The following PPP1R16B variants were observed in gnomAD, a reference collection of about 807,000 sequenced individuals.
PPP1R16B encodes the protein protein phosphatase 1 regulatory inhibitor subunit 16B.
A neutral mutation model predicts 61.7 loss-of-function variants in PPP1R16B; 14 were observed. The ratio of observed to expected loss-of-function variants is 0.23; its 90% CI spans 0.15 to 0.35. The LOEUF (loss-of-function observed/expected upper bound fraction) is 0.35, where lower values mean the gene tolerates loss of function less well. Ranked by LOEUF, PPP1R16B falls within the 10% of genes least tolerant of loss-of-function variation. The pLI, the probability that PPP1R16B is intolerant of heterozygous loss-of-function variation, is 1.00. For missense variants in PPP1R16B, 547 were observed against 752.5 expected (o/e 0.73, Z 3.19); for synonymous variants, 266 against 305.3 (o/e 0.87, Z 1.34).
At chr20:38,845,898 C>T (rs917360743) in intron 2 of PPP1R16B, among the ~76,000 whole-genome samples, 5 of 152,124 alleles carry the variant, frequency 3.3e-5, no homozygotes, top group Admixed American at 3.3e-4. Flanking sequence ...GTGAGGGGAG[C>T]AGGGAGGCTC....
At chr20:38,849,045 C>CTT (rs2084951691) in intron 2 of PPP1R16B, among the ~76,000 whole-genome samples, 2 of 152,150 alleles carry the variant, frequency 1.3e-5, no homozygotes, top group Non-Finnish European at 2.9e-5. Context: ...GGGCAAATAG[C>CTT]ACATGTCTCT....
intron 2 of PPP1R16B, among the ~76,000 whole-genome samples, chr20:38,888,420 C>T (rs932760802): frequency 3.3e-5 from 5 of 152,240 alleles, no homozygotes; most frequent in African/African-American, 1.2e-4. Context: ...TAGAGGTCCG[C>T]TTGCCCAGTA....
intron 2 of PPP1R16B, among the ~76,000 whole-genome samples, chr20:38,849,886 G>A (rs1291125795): frequency 6.6e-6 from 1 of 152,154 alleles, no homozygotes; most frequent in African/African-American, 2.4e-5. Flanking sequence ...CATTTATCTT[G>A]TTGAGTTTTG....
At chr20:38,899,005 G>A (rs1023027706) in intron 4 of PPP1R16B, among the ~76,000 whole-genome samples, 1 of 152,208 alleles carries the variant, frequency 6.6e-6, no homozygotes, top group South Asian at 2.1e-4. Context: ...CCAGAGCTGA[G>A]ACAGAGCCAG....
At chr20:38,914,101 T>A (rs2085513462) in intron 10 of PPP1R16B, among the ~76,000 whole-genome samples, 1 of 151,770 alleles carries the variant, frequency 6.6e-6, no homozygotes, top group South Asian at 2.1e-4. Flanking sequence ...GAGAATCACT[T>A]GAACCTGGGA....
intron 2 of PPP1R16B, among the ~76,000 whole-genome samples, chr20:38,844,695 A>G (rs145246684): frequency 1.3e-5 from 2 of 152,352 alleles, no homozygotes; most frequent in Admixed American, 1.3e-4. Flanking sequence ...TTGCACATAC[A>G]AAACAATGAA....
chr20:38,861,896 C>T (rs1355887190), intron 2 of PPP1R16B, among the ~76,000 whole-genome samples: 4 of 151,910 alleles, frequency 2.6e-5, no homozygotes, highest in South Asian at 2.1e-4. Context: ...AGGCTCGTCT[C>T]GAACTCCTCA....
intron 5 of PPP1R16B, among the ~76,000 whole-genome samples, chr20:38,901,920 C>T (rs1715882652): frequency 6.6e-6 from 1 of 152,208 alleles, no homozygotes; most frequent in Admixed American, 6.5e-5. Context: ...GTTTTGCTTA[C>T]ATTCTAATGG....
chr20:38,878,262 A>G (rs533319538), intron 2 of PPP1R16B, among the ~76,000 whole-genome samples: 3 of 152,310 alleles, frequency 2.0e-5, no homozygotes, highest in East Asian at 3.9e-4. Flanking sequence ...TTCATGTCCT[A>G]TGTAATACAG....
chr20:38,918,036 A>G lies in PPP1R16B; in HGVS notation c.1195-121A>G. The G allele has an allele frequency of 1.5e-6, 2 of 1,329,094 alleles. No homozygotes were observed. Among genetic ancestry groups the G allele is most frequent in the South Asian group, 2.8e-5 (2 of 72,132 alleles). The allele number at this position is 1,329,094 out of a possible 1,614,324, so 82.3% of individuals were successfully genotyped here. A position where few individuals can be genotyped will look rare whatever the true frequency, so the allele number is the denominator to read the frequency against. On this transcript the variant is annotated intron_variant, in intron 10 of 10. Transcript: ENST00000299824. The surrounding 1 kb of genome is among the most constrained non-coding windows in gnomAD (Gnocchi z 5.3). ...CCCAAAGGAAAACCCTGGCCCCGAT[A>G]CCCAGGGAGAGAAAACAGATAGAGG...
At chr20:38,834,985 CT>C (rs1440504229) in intron 1 of PPP1R16B, among the ~76,000 whole-genome samples, 1 of 152,156 alleles carries the variant, frequency 6.6e-6, no homozygotes, top group Admixed American at 6.5e-5. Flanking sequence ...TGCAATGTCA[CT>C]TTTCATATAG....
chr20:38,810,284 T>C (rs987747669), intron 1 of PPP1R16B, among the ~76,000 whole-genome samples: 2 of 152,130 alleles, frequency 1.3e-5, no homozygotes, highest in African/African-American at 4.8e-5. Flanking sequence ...GAAAGTTTGA[T>C]GGAGGCAGAA....
Position 38,895,970 on chromosome 20 carries a change from CCCTCCCTCCCTCCTTCCTTCTTTCTCT to C in PPP1R16B, c.467+268_467+294del, listed in dbSNP as rs1304121229. On this transcript the variant is annotated intron_variant, in intron 4 of 10. Transcript: ENST00000299824. ...CTCCCTCCCTCCTTTCTTCTTTCTTCCCTCCCTCCCTCCTTCCTTCTTTCTCTCCTCCCTTCCCCCCTTCCTTCTTTC... is the reference window on the plus strand; with the variant it reads ...CTCCCTCCCTCCTTTCTTCTTTCTTCCCTCCCTTCCCCCCTTCCTTCTTTC... Among the ~76,000 whole-genome samples, 561 of 91,074 alleles carry C rather than the reference CCCTCCCTCCCTCCTTCCTTCTTTCTCT, an allele frequency of 6.2e-3. 25 individuals are homozygous for C. Among genetic ancestry groups the C allele is most frequent in the Middle Eastern group, 0.028 (3 of 108 alleles). 59.7% of individuals were successfully genotyped at this position (91,074 alleles called of 152,430 possible).
intron 1 of PPP1R16B, among the ~76,000 whole-genome samples, chr20:38,824,298 C>T (rs2084790812): frequency 6.6e-6 from 1 of 152,188 alleles, no homozygotes; most frequent in Non-Finnish European, 1.5e-5. Context: ...GCATGTTTTA[C>T]TCTATACTGA....
intron 2 of PPP1R16B, among the ~76,000 whole-genome samples, chr20:38,888,515 G>A (rs2085263882): frequency 6.6e-6 from 1 of 152,178 alleles, no homozygotes; most frequent in African/African-American, 2.4e-5. Context: ...TTTGGACAGG[G>A]ACAGTAGAGG....
chr20:38,828,092 T>G (rs536739253), intron 1 of PPP1R16B, among the ~76,000 whole-genome samples: 1 of 152,350 alleles, frequency 6.6e-6, no homozygotes, highest in African/African-American at 2.4e-5. Context: ...CTGACTCATA[T>G]TTTAAAATCT....
intron 1 of PPP1R16B, among the ~76,000 whole-genome samples, chr20:38,814,939 T>A (rs2145704723): frequency 6.6e-6 from 1 of 152,360 alleles, no homozygotes. Flanking sequence ...TTGCTGTCGT[T>A]GGCTATCCCA....
At chr20:38,883,683 G>T (rs2085220204) in intron 2 of PPP1R16B, among the ~76,000 whole-genome samples, 1 of 152,244 alleles carries the variant, frequency 6.6e-6, no homozygotes, top group Non-Finnish European at 1.5e-5. Flanking sequence ...GACTGCCTCT[G>T]TCTTTTACCA....
At chr20:38,888,159 G>C (rs1037675591) in intron 2 of PPP1R16B, among the ~76,000 whole-genome samples, 1 of 152,270 alleles carries the variant, frequency 6.6e-6, no homozygotes, top group Non-Finnish European at 1.5e-5. Context: ...GTAGCGTGGA[G>C]ATAGTGTCCA....
Sources: gnomAD v4.1 joint callset for allele counts (sites outside exome capture counted in the v4.1 genomes callset) on GRCh38, gnomAD v4.1.1 for gene constraint, Gnocchi (gnomAD v3.1) non-coding constraint, MANE v1.5 for transcripts, NCBI Gene and HGNC (gene_info 2026-07-23, HGNC 2026-07-21) for gene names.